The following ARNT2 variants were observed in gnomAD, a reference collection of about 807,000 sequenced individuals.
ARNT2 encodes the protein aryl hydrocarbon receptor nuclear translocator 2.
ARNT2 carries 36 observed loss-of-function variants against 91.7 expected under a neutral mutation model. The observed-to-expected ratio is 0.39, with a 90% confidence interval of 0.30 to 0.52. The LOEUF (loss-of-function observed/expected upper bound fraction) is 0.52, where lower values mean the gene tolerates loss of function less well. ARNT2 is among the 20% of genes least tolerant of loss of function. The pLI is 0.72. For missense variants in ARNT2, 775 were observed against 939.3 expected, an observed-to-expected ratio of 0.83 and a Z score of 2.29; for synonymous variants, 365 against 347.1, an observed-to-expected ratio of 1.05 and a Z score of -0.57.
At chr15:80,454,703 C>T (rs1381902696) in intron 2 of ARNT2, among the ~76,000 whole-genome samples, 2 of 152,222 alleles carry the variant, frequency 1.3e-5, no homozygotes, top group African/African-American at 4.8e-5. Flanking sequence ...CCTTTACTGT[C>T]ACTGTGGGAC....
intron 17 of ARNT2, among the ~76,000 whole-genome samples, chr15:80,589,439 A>T (rs1179925807): frequency 5.9e-5 from 9 of 152,194 alleles, no homozygotes. Context: ...TTGATTTGTG[A>T]TGGGCAAGCC....
intron 1 of ARNT2, among the ~76,000 whole-genome samples, chr15:80,447,700 A>G (rs1441754334): frequency 6.6e-6 from 1 of 152,254 alleles, no homozygotes; most frequent in Non-Finnish European, 1.5e-5. Context: ...TGATCACATT[A>G]TAGATACGGA....
chr15:80,568,452 G>C (rs1213491101), intron 12 of ARNT2, among the ~76,000 whole-genome samples: 1 of 152,186 alleles, frequency 6.6e-6, no homozygotes, highest in Non-Finnish European at 1.5e-5. Flanking sequence ...GTGTGTGTGT[G>C]CATGTGTTTT....
chr15:80,536,109 C>T (rs1424780320), intron 8 of ARNT2, among the ~76,000 whole-genome samples: 4 of 152,156 alleles, frequency 2.6e-5, no homozygotes, highest in African/African-American at 4.8e-5. Context: ...GGTAAATACC[C>T]GAGGTTCGTT....
chr15:80,586,557 G>C (rs960512390), intron 17 of ARNT2, among the ~76,000 whole-genome samples: 4 of 152,134 alleles, frequency 2.6e-5, no homozygotes, highest in African/African-American at 9.7e-5. Flanking sequence ...ACTTTGGAGA[G>C]GAGAATTGAA....
At chr15:80,544,812 A>G (rs539367140) in intron 8 of ARNT2, among the ~76,000 whole-genome samples, 2 of 152,228 alleles carry the variant, frequency 1.3e-5, no homozygotes, top group African/African-American at 4.8e-5. Context: ...AGTTTAAATG[A>G]TGGAAGGATG....
chr15:80,552,158 C>G (rs1479816128), intron 9 of ARNT2, among the ~76,000 whole-genome samples: 2 of 152,204 alleles, frequency 1.3e-5, no homozygotes, highest in African/African-American at 4.8e-5. Context: ...TAGGTAATTT[C>G]ATCCATGTAT....
intron 8 of ARNT2, 108 bp from the exon 9 acceptor site, chr15:80,551,091 G>A: frequency 2.8e-6 from 3 of 1,079,230 alleles, no homozygotes; most frequent in South Asian, 2.8e-5. Context: ...GCCCTGCATG[G>A]CCAACACTCA....
At position 80,587,485 on chromosome 15, in the gene ARNT2, C is replaced by T. The variant is rs114562638; in HGVS notation, c.1919-4083C>T. Among the ~76,000 whole-genome samples the T allele has an allele frequency of 2.0e-3, 306 of 152,284 alleles. 2 individuals are homozygous for T. Among genetic ancestry groups the T allele is most frequent in the African/African-American group, 6.1e-3 (252 of 41,566 alleles). Reference sequence around the variant, plus strand: ...AACTACATAGGACTTCCAAGCAGGACTTCAAGTGAGCCTTAAGTCTTAGGG... The same window carrying T: ...AACTACATAGGACTTCCAAGCAGGATTTCAAGTGAGCCTTAAGTCTTAGGG... On this transcript the variant is annotated intron_variant, in intron 17 of 18. Transcript: ENST00000303329.
At chr15:80,566,084 G>A (rs1378803609) in intron 12 of ARNT2, among the ~76,000 whole-genome samples, 1 of 152,184 alleles carries the variant, frequency 6.6e-6, no homozygotes, top group African/African-American at 2.4e-5. Flanking sequence ...GTGATAGCAG[G>A]CAGAGTCGGC....
chr15:80,569,763 A>G (rs530266996), intron 12 of ARNT2, among the ~76,000 whole-genome samples: 2 of 152,340 alleles, frequency 1.3e-5, no homozygotes, highest in Non-Finnish European at 2.9e-5. Flanking sequence ...CTTTATCCAC[A>G]TTAGAAACAT....
intron 2 of ARNT2, 118 bp downstream of exon 2, chr15:80,451,112 C>A: frequency 9.7e-7 from 1 of 1,030,136 alleles, no homozygotes; most frequent in Non-Finnish European, 1.4e-6. Context: ...CAGTTTGCAT[C>A]CTGTTTAACT....
intron 2 of ARNT2, among the ~76,000 whole-genome samples, chr15:80,455,124 T>C (rs1363841920): frequency 6.6e-6 from 1 of 152,148 alleles, no homozygotes; most frequent in Non-Finnish European, 1.5e-5. Flanking sequence ...CTATGTAAAG[T>C]AGAGAATCCA....
intron 12 of ARNT2, among the ~76,000 whole-genome samples, chr15:80,570,220 A>G (rs1596019555): frequency 6.6e-6 from 1 of 152,186 alleles, no homozygotes; most frequent in Admixed American, 6.5e-5. Flanking sequence ...CACATCAATT[A>G]CATTCTAGCC....
chr15:80,418,250 A>T (rs890836548), intron 1 of ARNT2, among the ~76,000 whole-genome samples: 1 of 152,084 alleles, frequency 6.6e-6, no homozygotes. Flanking sequence ...TGTGTGCAGG[A>T]TCATAAGCTG....
At chr15:80,411,219 A>G (rs1481143452) in intron 1 of ARNT2, among the ~76,000 whole-genome samples, 2 of 152,136 alleles carry the variant, frequency 1.3e-5, no homozygotes, top group Non-Finnish European at 2.9e-5. Context: ...TTGCTTCTGG[A>G]GCACTTCGCC....
intron 8 of ARNT2, among the ~76,000 whole-genome samples, chr15:80,525,821 G>T (rs770291238): frequency 6.6e-6 from 1 of 152,182 alleles, no homozygotes; most frequent in Non-Finnish European, 1.5e-5. Context: ...ATGATGCCTT[G>T]TAAGTGTTCA....
intron 2 of ARNT2, among the ~76,000 whole-genome samples, chr15:80,454,109 T>C (rs1342515938): frequency 6.6e-6 from 1 of 152,242 alleles, no homozygotes; most frequent in Non-Finnish European, 1.5e-5. Context: ...TCTCCCAGCA[T>C]TTGGGACTCA....
chr15:80,591,604 G>A lies in ARNT2; in HGVS notation c.1955G>A (p.Arg652Gln), dbSNP rs368658013. 1.2e-5 allele frequency: 20 copies of A among 1,614,036 alleles called. No homozygotes were observed. Among genetic ancestry groups the A allele is most frequent in the East Asian group, 2.2e-5 (1 of 44,876 alleles). ...CAAAGTAGCGGGCAGTTCCAAGGGC[G>A]GCCCTCGGAAGTCTGGTCGCAGTGG... Reference protein sequence around the residue: ...SGQSSGQFQGRPSEVWSQWQS... With the variant: ...SGQSSGQFQGQPSEVWSQWQS... The change falls in exon 18 of 19, where the codon CGG becomes CAG. Residue 652 changes from arginine (R) to glutamine (Q), a missense_variant. Transcript: ENST00000303329. This position sits in a 1 kb window ranked among gnomAD's most constrained non-coding sequence, Gnocchi z 5.1.
Sources: gnomAD v4.1 joint callset for allele counts (sites outside exome capture counted in the v4.1 genomes callset) on GRCh38, gnomAD v4.1.1 for gene constraint, Gnocchi (gnomAD v3.1) non-coding constraint, MANE v1.5 for transcripts, NCBI Gene and HGNC (gene_info 2026-07-23, HGNC 2026-07-21) for gene names.